Variants in CHST9 observed in about 807,000 individuals in gnomAD.
The protein encoded by CHST9 is GalNAc-4-sulfotransferase 2.
A neutral mutation model predicts 44.4 loss-of-function variants in CHST9; 41 were observed. That is an observed-to-expected ratio of 0.92 (90% confidence interval 0.72 to 1.20). CHST9 has a LOEUF of 1.20. Ranked by LOEUF, CHST9 falls within the 50% of genes most tolerant of loss-of-function variation. The pLI is 0.00. For synonymous variants in CHST9, 171 were observed against 178.4 expected (o/e 0.96, Z 0.33); for missense variants, 504 against 516.5 (o/e 0.98, Z 0.23).
intron 2 of CHST9, among the ~76,000 whole-genome samples, chr18:27,050,510 T>G (rs376007309): frequency 2.0e-5 from 3 of 152,190 alleles, no homozygotes; most frequent in East Asian, 3.9e-4. Flanking sequence ...CTAACAGCCC[T>G]TCGAGTCTTT....
At chr18:26,944,033 C>T (rs2056124996) in intron 5 of CHST9, among the ~76,000 whole-genome samples, 1 of 152,122 alleles carries the variant, frequency 6.6e-6, no homozygotes, top group South Asian at 2.1e-4. Flanking sequence ...AGTATCAATA[C>T]AGAGGTCACA....
intron 4 of CHST9, among the ~76,000 whole-genome samples, chr18:27,002,552 A>G (rs367645956): frequency 6.9e-4 from 105 of 152,336 alleles, no homozygotes; most frequent in Middle Eastern, 3.4e-3. Context: ...TACATGAGAT[A>G]TTCAACACGT....
chr18:26,916,138 A>G lies in CHST9; in HGVS notation c.*121T>C. 1.2e-6 allele frequency: 1 copy of G among 825,856 alleles called. No individual in the cohort carries two copies. The highest frequency in any genetic ancestry group is 1.9e-6 in the Non-Finnish European group (1 of 530,610). 51.2% of individuals were successfully genotyped at this position (825,856 alleles called of 1,614,324 possible). The stretch of plus-strand genomic sequence containing the variant: ...GTCATACTATTTGGTAAAAATCTAC[A>G]TTAAATCAAGACAACTGCACTTGGT... On this transcript the variant is annotated 3_prime_UTR_variant, in exon 6 of 6. Coordinates refer to ENST00000618847, the MANE Select transcript of CHST9 (RefSeq NM_031422.6).
intron 3 of CHST9, 26 bp downstream of exon 3, chr18:27,048,439 C>T (rs746404868): frequency 6.3e-7 from 1 of 1,580,140 alleles, no homozygotes; most frequent in Non-Finnish European, 8.6e-7. Context: ...GGAAATAAAG[C>T]TGGAGCCCAT....
intron 3 of CHST9, among the ~76,000 whole-genome samples, chr18:27,025,780 C>T (rs2143471801): frequency 1.3e-5 from 2 of 152,228 alleles, no homozygotes; most frequent in South Asian, 4.1e-4. Flanking sequence ...TACCTGTTCA[C>T]CCAGGTAATG....
intron 3 of CHST9, among the ~76,000 whole-genome samples, chr18:27,038,552 T>C (rs982580747): frequency 6.6e-6 from 1 of 152,176 alleles, no homozygotes; most frequent in African/African-American, 2.4e-5. Flanking sequence ...AAAAAAGAAC[T>C]TCCAGCAAGG....
At chr18:26,964,656 C>T (rs2056442449) in intron 4 of CHST9, among the ~76,000 whole-genome samples, 1 of 152,230 alleles carries the variant, frequency 6.6e-6, no homozygotes, top group Non-Finnish European at 1.5e-5. Flanking sequence ...TCATTGCCTT[C>T]CCACCTCCAG....
intron 4 of CHST9, among the ~76,000 whole-genome samples, chr18:26,959,421 C>T (rs1018212526): frequency 1.6e-4 from 24 of 152,298 alleles, no homozygotes; most frequent in African/African-American, 5.8e-4. Flanking sequence ...CAGCATCACA[C>T]AAGATACCCA....
At chr18:26,923,828 T>A (rs548733213) in intron 5 of CHST9, among the ~76,000 whole-genome samples, 3 of 152,242 alleles carry the variant, frequency 2.0e-5, no homozygotes, top group East Asian at 3.9e-4. Context: ...AGTGCTTAAT[T>A]TTTCTGGAGA....
At chr18:27,139,482 AAC>A (rs10547483) in intron 2 of CHST9, among the ~76,000 whole-genome samples, 73,520 of 149,912 alleles carry the variant, frequency 0.49, 18,246 homozygotes, top group South Asian at 0.68. Flanking sequence ...TGTTATTTGA[AAC>A]ACACACACAC....
chr18:27,047,901 T>C (rs916296298), intron 3 of CHST9, among the ~76,000 whole-genome samples: 1 of 152,188 alleles, frequency 6.6e-6, no homozygotes, highest in Non-Finnish European at 1.5e-5. Flanking sequence ...CATGGAAATA[T>C]GAAAATGTAA....
chr18:27,153,570 G>GTA (rs1555628630), intron 1 of CHST9, among the ~76,000 whole-genome samples: 2,354 of 77,240 alleles, frequency 0.03, 45 homozygotes, highest in African/African-American at 0.083. Flanking sequence ...GTGTGTGTAT[G>GTA]TGTGTGTGTG....
At chr18:27,062,880 G>A (rs1422416246) in intron 2 of CHST9, among the ~76,000 whole-genome samples, 1 of 152,172 alleles carries the variant, frequency 6.6e-6, no homozygotes, top group Non-Finnish European at 1.5e-5. Flanking sequence ...CTATCTCATT[G>A]TGGTTTTGAT....
chr18:27,128,365 G>C (rs1385235149), intron 2 of CHST9, among the ~76,000 whole-genome samples: 1 of 152,166 alleles, frequency 6.6e-6, no homozygotes, highest in East Asian at 1.9e-4. Context: ...CGCCTCCCAG[G>C]TTCAAGCAAT....
rs2145030826 is a variant in CHST9 at position 26,910,424 on chromosome 18, G to A, written c.*5835C>T. On this transcript the variant is annotated 3_prime_UTR_variant, in exon 6 of 6. Transcript: ENST00000618847. ...GGAAGGAATACACTCTTCAGAGCAGGACTTGAAAAGTGAGATGCTTAGGGG... is the reference window on the plus strand; with the variant it reads ...GGAAGGAATACACTCTTCAGAGCAGAACTTGAAAAGTGAGATGCTTAGGGG... 1 of 152,370 alleles carries A rather than the reference G, an allele frequency of 6.6e-6. No individual in the cohort carries two copies. Among genetic ancestry groups the A allele is most frequent in the South Asian group, 2.1e-4 (1 of 4,824 alleles). 9.4% of individuals were successfully genotyped at this position (152,370 alleles called of 1,614,324 possible). A position where few individuals can be genotyped will look rare whatever the true frequency, so the allele number is the denominator to read the frequency against.
rs761129949 is a variant in CHST9, at chr18:26,998,682, C to T, written c.202+25434G>A. 2.2e-4 allele frequency among the ~76,000 whole-genome samples: 33 copies of T among 148,074 alleles called. 1 individual carries two copies. The highest frequency in any genetic ancestry group is 6.8e-3 in the Middle Eastern group (2 of 292). On this transcript the variant is annotated intron_variant, in intron 4 of 5. Transcript: ENST00000618847. ...CGGAAGCTGCAGTGAGCTGAAATTG[C>T]ACCAGCCTGGGTGACACAGTGAGAC... is the stretch of plus-strand genomic sequence containing the variant.
At chr18:26,985,705 CAT>C (rs1205806517) in intron 4 of CHST9, among the ~76,000 whole-genome samples, 1 of 152,122 alleles carries the variant, frequency 6.6e-6, no homozygotes, top group Non-Finnish European at 1.5e-5. Flanking sequence ...TGAGTACATG[CAT>C]ATGTCATAAT....
intron 1 of CHST9, among the ~76,000 whole-genome samples, chr18:27,158,595 T>C (rs1417139875): frequency 6.6e-6 from 1 of 152,156 alleles, no homozygotes; most frequent in East Asian, 1.9e-4. Flanking sequence ...AGCAGCATGA[T>C]TTATAATCCT....
At chr18:27,132,715 C>T (rs2058482173) in intron 2 of CHST9, among the ~76,000 whole-genome samples, 2 of 152,308 alleles carry the variant, frequency 1.3e-5, no homozygotes, top group African/African-American at 4.8e-5. Flanking sequence ...TGAGGCCCCT[C>T]TGAAATTCAG....
Sources: allele counts gnomAD v4.1 joint callset (sites outside exome capture counted in the v4.1 genomes callset), GRCh38; gene constraint gnomAD v4.1.1; transcripts MANE v1.5; gene names NCBI Gene and HGNC (gene_info 2026-07-23, HGNC 2026-07-21).